Variants in IGFN1 observed in about 807,000 individuals in gnomAD.
IGFN1 encodes the protein immunoglobulin like and fibronectin type III domain containing 1.
IGFN1 carries 253 observed loss-of-function variants against 289.5 expected under a neutral mutation model. That is an observed-to-expected ratio of 0.87 (90% CI 0.79 to 0.97). IGFN1 has a LOEUF of 0.97. IGFN1 is among the 50% of genes least tolerant of loss of function. IGFN1 has a pLI of 0.00. For missense variants in IGFN1, 4,470 were observed against 4,686.1 expected (o/e 0.95, Z 1.35); for synonymous variants, 1,706 against 1,788.5 (o/e 0.95, Z 1.16).
At chr1:201,195,531 C>T (rs1666879926) in intron 3 of IGFN1, among the ~76,000 whole-genome samples, 1 of 152,166 alleles carries the variant, frequency 6.6e-6, no homozygotes, top group African/African-American at 2.4e-5. Flanking sequence ...AAAGAAAAGC[C>T]CCTGTCCCCT....
chr1:201,225,649 T>C (rs1204462760), intron 21 of IGFN1, among the ~76,000 whole-genome samples, 175 bp from the exon 22 acceptor site: 1 of 152,156 alleles, frequency 6.6e-6, no homozygotes, highest in East Asian at 1.9e-4. Context: ...TTGGGGAGAT[T>C]TTCTACCCTC....
intron 9 of IGFN1, among the ~76,000 whole-genome samples, chr1:201,202,226 A>C (rs1667195599): frequency 6.6e-6 from 1 of 152,176 alleles, no homozygotes; most frequent in South Asian, 2.1e-4. Context: ...GGGCAGAGGC[A>C]GGTGGGGAGC....
chr1:201,205,657 C>T (rs1667381864), intron 11 of IGFN1, among the ~76,000 whole-genome samples: 1 of 152,216 alleles, frequency 6.6e-6, no homozygotes, highest in African/African-American at 2.4e-5. Context: ...GACCAGAGAG[C>T]ACTCTCAAAC....
chr1:201,195,869 G>C lies in IGFN1; in HGVS notation c.158G>C (p.Cys53Ser), dbSNP rs2102317690. 6.4e-7 allele frequency: 1 copy of C among 1,551,722 alleles called. No homozygotes were observed. Among genetic ancestry groups the C allele is most frequent in the East Asian group, 2.4e-5 (1 of 40,916 alleles). ...AATGCTGTCTTTCGGGCTGTGGTCT[G>C]TGGGGAGCCCAGGCCCGAGGTGCGT... Reference protein sequence around the residue: ...GKNAVFRAVVCGEPRPEVRWQ... With the variant: ...GKNAVFRAVVSGEPRPEVRWQ... Residue 53 changes from cysteine (C) to serine (S), a missense_variant, in exon 4 of 24, where the codon TGT becomes TCT. Cys to Ser is a moderately radical substitution (Grantham distance 112). Coordinates refer to ENST00000335211, the MANE Select transcript of IGFN1 (RefSeq NM_001164586.2).
intron 3 of IGFN1, among the ~76,000 whole-genome samples, chr1:201,194,683 C>T (rs1336426042): frequency 6.6e-6 from 1 of 152,196 alleles, no homozygotes; most frequent in East Asian, 1.9e-4. Flanking sequence ...GCAGCACCTG[C>T]TGTGGCTCAC....
At position 201,210,652 on chromosome 1, in the gene IGFN1, C is replaced by G; in HGVS notation, c.5759C>G (p.Ser1920Ter). 6.7e-7 allele frequency: 1 copy of G among 1,490,272 alleles called. No individual in the cohort carries two copies. Among genetic ancestry groups the G allele is most frequent in the Non-Finnish European group, 8.9e-7 (1 of 1,126,156 alleles). 92.3% of individuals were successfully genotyped at this position (1,490,272 alleles called of 1,614,324 possible). A position where few individuals can be genotyped will look rare whatever the true frequency, so the allele number is the denominator to read the frequency against. ...DGLGSSVEMG[S>*]VNEAGYRKDL... ...TTAGGGAGTTCTGTAGAAATGGGGT[C>G]AGTGAATGAGGCAGGTTATAGGAAG... Residue 1920 changes from serine to a stop codon, truncating the protein, a stop_gained, in exon 12 of 24, where the codon TCA becomes TGA. Coordinates refer to ENST00000335211, the MANE Select transcript of IGFN1 (RefSeq NM_001164586.2). LOFTEE classifies it high-confidence loss of function.
Position 201,228,935 on chromosome 1 carries a change from A to G in IGFN1, c.*536A>G, listed in dbSNP as rs1304949505. The G allele has an allele frequency of 6.4e-6, 1 of 155,312 alleles. No homozygotes were observed. Among genetic ancestry groups the G allele is most frequent in the African/African-American group, 2.4e-5 (1 of 41,456 alleles). The allele number at this position is 155,312 out of a possible 1,614,324, so 9.6% of individuals were successfully genotyped here. On this transcript the variant is annotated 3_prime_UTR_variant, in exon 24 of 24. Coordinates refer to ENST00000335211, the MANE Select transcript of IGFN1 (RefSeq NM_001164586.2). ...TTTCTATGCGTTTCTTCATTAAAAC[A>G]TTAGGCTAATACAGGCAGATCATTG...
rs1267547732 is a variant in IGFN1, at chr1:201,209,148, G to T, written c.4255G>T (p.Glu1419Ter). The change falls in exon 12 of 24, where the codon GAA becomes TAA. Residue 1419 changes from glutamate to a stop codon, truncating the protein, a stop_gained. Coordinates refer to ENST00000335211, the MANE Select transcript of IGFN1 (RefSeq NM_001164586.2). LOFTEE classifies it high-confidence loss of function. Reference sequence around the variant, plus strand: ...TAGGAATGGGATTGGAGGTTATGGGGAAATGGGGTCAGGTTATAGGGAGGA... The same window carrying T: ...TAGGAATGGGATTGGAGGTTATGGGTAAATGGGGTCAGGTTATAGGGAGGA... The part of the protein sequence containing the change: ...GHRNGIGGYG[E>*]MGSGYREDLG... 4 of 1,523,884 alleles carry T rather than the reference G, an allele frequency of 2.6e-6. No individual in the cohort carries two copies. Among genetic ancestry groups the T allele is most frequent in the Non-Finnish European group, 3.5e-6 (4 of 1,141,494 alleles). 94.4% of individuals were successfully genotyped at this position (1,523,884 alleles called of 1,614,324 possible).
intron 21 of IGFN1, among the ~76,000 whole-genome samples, chr1:201,225,353 T>C (rs1654007954): frequency 6.6e-6 from 1 of 152,214 alleles, no homozygotes. Context: ...GCCCTGCCTC[T>C]GTCCAAAAAT....
chr1:201,204,028 G>A lies in IGFN1; in HGVS notation c.916+122G>A, dbSNP rs540870734. On this transcript the variant is annotated intron_variant, in intron 10 of 23. Coordinates refer to ENST00000335211, the MANE Select transcript of IGFN1 (RefSeq NM_001164586.2). ...TGGCCCCAGCTGCAAAAGACAATTGGGAGAGGGACACATACCTAGATGGCC... is the reference window on the plus strand; with the variant it reads ...TGGCCCCAGCTGCAAAAGACAATTGAGAGAGGGACACATACCTAGATGGCC... 346 of 919,708 alleles carry A rather than the reference G, an allele frequency of 3.8e-4. 3 individuals carry two copies. The Middle Eastern group carries it at 4.5e-3, about 12-fold the overall frequency. The allele number at this position is 919,708 out of a possible 1,614,324, so 57.0% of individuals were successfully genotyped here.
intron 10 of IGFN1, 46 bp downstream of exon 10, chr1:201,203,952 G>A: frequency 6.7e-7 from 1 of 1,497,732 alleles, no homozygotes; most frequent in Non-Finnish European, 9.0e-7. Context: ...AGATATGTTA[G>A]AAATGGAGTC....
rs909890588 is a variant in IGFN1 at position 201,214,624 on chromosome 1, G to A, written c.8853+323G>A. Among the ~76,000 whole-genome samples, 22 of 152,044 alleles carry A rather than the reference G, an allele frequency of 1.4e-4. No individual in the cohort carries two copies. In the East Asian group the frequency reaches 4.3e-3, roughly 29 times the overall value. The stretch of plus-strand genomic sequence containing the variant: ...CCATCGTCTCATCCCAACCAGAAGG[G>A]GGCCCTCGTCTCCCTGCACAATCCT... On this transcript the variant is annotated intron_variant, in intron 13 of 23. Transcript: ENST00000335211.
intron 10 of IGFN1, 73 bp from the exon 11 acceptor site, chr1:201,205,009 G>A: frequency 2.1e-6 from 3 of 1,424,918 alleles, no homozygotes; most frequent in Non-Finnish European, 1.9e-6. Flanking sequence ...TTTCTGAATG[G>A]CCAGCCTTGC....
In IGFN1 at chr1:201,212,224, G is replaced by C. The variant is rs756482906; in HGVS notation, c.7331G>C (p.Gly2444Ala). 6.5e-7 allele frequency: 1 copy of C among 1,534,214 alleles called. No homozygotes were observed. Among genetic ancestry groups the C allele is most frequent in the Non-Finnish European group, 8.7e-7 (1 of 1,145,648 alleles). Residue 2444 changes from glycine (G) to alanine (A), a missense_variant, in exon 12 of 24, where the codon GGC (glycine) becomes GCC (alanine). By Grantham distance (60) the Gly-to-Ala change is moderately conservative. Coordinates refer to ENST00000335211, the MANE Select transcript of IGFN1 (RefSeq NM_001164586.2). Reference protein sequence around the residue: ...GGMAHRDSLRGTGVLGSQGGR... With the variant: ...GGMAHRDSLRATGVLGSQGGR... Reference sequence around the variant, plus strand: ...ATGGCACACAGAGACAGCCTCAGGGGCACAGGGGTGCTGGGGTCTCAGGGA... The same window carrying C: ...ATGGCACACAGAGACAGCCTCAGGGCCACAGGGGTGCTGGGGTCTCAGGGA...
chr1:201,216,068 T>C, intron 15 of IGFN1: 3 of 712,878 alleles, frequency 4.2e-6, no homozygotes, highest in Non-Finnish European at 7.8e-6. Flanking sequence ...GTTATGCTTC[T>C]CTGACCCCAA....
chr1:201,205,654 G>C (rs374608026), intron 11 of IGFN1, among the ~76,000 whole-genome samples: 14 of 152,320 alleles, frequency 9.2e-5, no homozygotes, highest in Middle Eastern at 3.4e-3. Context: ...CCAGACCAGA[G>C]AGCACTCTCA....
In IGFN1 at chr1:201,207,715, A is replaced by G. The variant is rs1384471410; in HGVS notation, c.2822A>G (p.Tyr941Cys). Reference sequence around the variant, plus strand: ...AAAGGACCCAGAGGTGAGACAGGCTATAAGGATGGCTTGGAAGGTCCCGGG... The same window carrying G: ...AAAGGACCCAGAGGTGAGACAGGCTGTAAGGATGGCTTGGAAGGTCCCGGG... ...RVKGPRGETG[Y>C]KDGLEGPGRM... Residue 941 changes from tyrosine (Y) to cysteine (C), a missense_variant, in exon 12 of 24, where the codon TAT becomes TGT. Physicochemically the swap from Tyr to Cys is radical, Grantham distance 194 (BLOSUM62 -2). This residue lies in a region of IGFN1 where 2,011 missense variants were observed against 1,953.4 expected (regional missense o/e 1.03). Coordinates refer to ENST00000335211, the MANE Select transcript of IGFN1 (RefSeq NM_001164586.2). 2 of 1,537,120 alleles carry G rather than the reference A, an allele frequency of 1.3e-6. No individual in the cohort carries two copies. The highest frequency in any genetic ancestry group is 1.2e-5 in the South Asian group (1 of 84,056).
intron 19 of IGFN1, 130 bp downstream of exon 19, chr1:201,221,876 G>A: frequency 1.4e-6 from 1 of 738,014 alleles, no homozygotes. Context: ...CATTTATTGA[G>A]CACCTACTAG....
Position 201,211,111 on chromosome 1 carries a change from A to T in IGFN1, c.6218A>T (p.Asp2073Val). The change falls in exon 12 of 24, where the codon GAT (aspartate) becomes GTT (valine). Residue 2073 changes from aspartate (D) to valine (V), a missense_variant. By Grantham distance (152) the Asp-to-Val change is radical. This residue lies in a region of IGFN1 where 2,218 missense variants were observed against 2,114.1 expected (regional missense o/e 1.05). Transcript: ENST00000335211. ...GTGAATGAGGCAGGTTATAGGAAGG[A>T]TTTAGGGGCTCCTAAGGGAATGGGT... Reference protein sequence around the residue: ...GSVNEAGYRKDLGAPKGMGSG... With the variant: ...GSVNEAGYRKVLGAPKGMGSG... 1 of 1,507,406 alleles carries T rather than the reference A, an allele frequency of 6.6e-7. No homozygotes were observed. Among genetic ancestry groups the T allele is most frequent in the Non-Finnish European group, 8.9e-7 (1 of 1,129,376 alleles). 93.4% of individuals were successfully genotyped at this position (1,507,406 alleles called of 1,614,324 possible).
Sources: allele counts gnomAD v4.1 joint callset (sites outside exome capture counted in the v4.1 genomes callset), GRCh38; gene constraint gnomAD v4.1.1; regional missense constraint gnomAD v4.1.1; transcripts MANE v1.5; gene names NCBI Gene and HGNC (gene_info 2026-07-23, HGNC 2026-07-21).